The following ESRRG variants were observed in gnomAD, a reference collection of about 807,000 sequenced individuals.
ESRRG encodes estrogen-related receptor gamma.
Under a neutral mutation model 44.0 loss-of-function variants are expected in ESRRG, and 13 were observed. The observed-to-expected ratio is 0.30, with a 90% CI of 0.19 to 0.47. The LOEUF (loss-of-function observed/expected upper bound fraction) is 0.47. Ranked by LOEUF, ESRRG falls within the 20% of genes least tolerant of loss-of-function variation. The pLI is 1.00. For synonymous variants in ESRRG, 215 were observed against 214.6 expected, an observed-to-expected ratio of 1.00 and a Z score of -0.02; for missense variants, 395 against 580.6, an observed-to-expected ratio of 0.68 and a Z score of 3.29.
chr1:216,516,668 C>CACACACACACACAGAG lies in ESRRG; in HGVS notation c.1132+2483_1132+2484insCTCTGTGTGTGTGTGT, dbSNP rs376701865. 4.4e-3 allele frequency among the ~76,000 whole-genome samples: 602 copies of CACACACACACACAGAG among 137,192 alleles called. 6 individuals carry two copies. Among genetic ancestry groups the CACACACACACACAGAG allele is most frequent in the African/African-American group, 0.016 (549 of 34,020 alleles). The allele number at this position is 137,192 out of a possible 152,430, so 90.0% of individuals were successfully genotyped here. Reference sequence around the variant, plus strand: ...ACACACACACACACACACACACACACAGAGAGAGAGAGAGAAACGACAAAA... The same window carrying CACACACACACACAGAG: ...ACACACACACACACACACACACACACACACACACACACAGAGAGAGAGAGAGAGAGAAACGACAAAA... On this transcript the variant is annotated intron_variant, in intron 6 of 6. Coordinates refer to ENST00000408911, the MANE Select transcript of ESRRG (RefSeq NM_001438.4).
chr1:216,621,025 CA>C, intron 3 of ESRRG, among the ~76,000 whole-genome samples: 1 of 152,242 alleles, frequency 6.6e-6, no homozygotes, highest in East Asian at 1.9e-4. Context: ...TGAAGATTCC[CA>C]TCCCATTTTG....
chr1:217,102,351 G>A (rs1304336475), intron 1 of ESRRG, among the ~76,000 whole-genome samples: 1 of 152,112 alleles, frequency 6.6e-6, no homozygotes, highest in Non-Finnish European at 1.5e-5. Flanking sequence ...ATACAGCATT[G>A]CTGCTATTAT....
At chr1:216,579,892 T>C (rs2062410721) in intron 3 of ESRRG, among the ~76,000 whole-genome samples, 1 of 152,194 alleles carries the variant, frequency 6.6e-6, no homozygotes, top group Non-Finnish European at 1.5e-5. Flanking sequence ...TTAAATTTCT[T>C]AGTCTTTTCT....
chr1:217,080,330 C>G (rs2091642822), intron 1 of ESRRG, among the ~76,000 whole-genome samples: 1 of 152,006 alleles, frequency 6.6e-6, no homozygotes, highest in African/African-American at 2.4e-5. Context: ...TTTTACTACC[C>G]AAAATCGTCC....
intron 1 of ESRRG, among the ~76,000 whole-genome samples, chr1:216,679,701 T>G (rs1037227741): frequency 2.0e-5 from 3 of 151,590 alleles, no homozygotes; most frequent in Non-Finnish European, 4.4e-5. Context: ...CTTTTTAAAT[T>G]TTTTTTCCCT....
chr1:216,504,030 T>A lies in ESRRG; in HGVS notation c.*2909A>T, dbSNP rs1365464145. 1 of 152,530 alleles carries A rather than the reference T, an allele frequency of 6.6e-6. No homozygotes were observed. Among genetic ancestry groups the A allele is most frequent in the Non-Finnish European group, 1.5e-5 (1 of 67,986 alleles). The allele number at this position is 152,530 out of a possible 1,614,324, so 9.4% of individuals were successfully genotyped here. On this transcript the variant is annotated 3_prime_UTR_variant, in exon 7 of 7. Coordinates refer to ENST00000408911, the MANE Select transcript of ESRRG (RefSeq NM_001438.4). The stretch of plus-strand genomic sequence containing the variant: ...ATCCACGTTTTAGTTTTATTTCCTA[T>A]TTGTGAGATACTTACTCTTTTGTAA...
intron 2 of ESRRG, among the ~76,000 whole-genome samples, chr1:216,742,636 ATGAC>A (rs1222181064): frequency 6.6e-6 from 1 of 152,010 alleles, no homozygotes. Flanking sequence ...AGCTAAATGA[ATGAC>A]TGATTTCTTA....
chr1:217,131,119 A>G lies in ESRRG; in HGVS notation c.-230+6548T>C, dbSNP rs573842874. ...GAACATAATTCTGAAGAAGTATGCTAAAGTTAAATGAAAAGTTCTGAAAAT... is the reference window on the plus strand; with the variant it reads ...GAACATAATTCTGAAGAAGTATGCTGAAGTTAAATGAAAAGTTCTGAAAAT... On this transcript the variant is annotated intron_variant, in intron 1 of 8. Coordinates refer to the ESRRG transcript ENST00000366940. Among the ~76,000 whole-genome samples, 10 of 152,334 alleles carry G rather than the reference A, an allele frequency of 6.6e-5. No individual in the cohort carries two copies. In the East Asian group the frequency reaches 1.3e-3, roughly 21 times the overall value.
At chr1:216,798,818 C>T (rs1189405514) in intron 2 of ESRRG, among the ~76,000 whole-genome samples, 2 of 152,154 alleles carry the variant, frequency 1.3e-5, no homozygotes, top group African/African-American at 4.8e-5. Flanking sequence ...GATAATAATA[C>T]ACCTACCTAT....
intron 2 of ESRRG, among the ~76,000 whole-genome samples, chr1:216,797,904 G>A (rs1257287619): frequency 6.6e-6 from 1 of 152,082 alleles, no homozygotes; most frequent in Non-Finnish European, 1.5e-5. Context: ...GGGGAGTCAT[G>A]TTCCACCTCC....
At chr1:217,092,609 G>A (rs1340853998), upstream of ESRRG, among the ~76,000 whole-genome samples, 1 of 152,092 alleles carries the variant, frequency 6.6e-6, no homozygotes, top group Non-Finnish European at 1.5e-5. Flanking sequence ...CAGTCAGGCT[G>A]GTCACCCACT....
At chr1:216,601,566 A>G (rs1200845295) in intron 3 of ESRRG, among the ~76,000 whole-genome samples, 1 of 152,202 alleles carries the variant, frequency 6.6e-6, no homozygotes, top group Non-Finnish European at 1.5e-5. Context: ...GCCCTTAATC[A>G]GGGCAGAAAT....
intron 1 of ESRRG, among the ~76,000 whole-genome samples, chr1:217,132,347 C>A (rs936427119): frequency 1.2e-4 from 19 of 152,204 alleles, no homozygotes; most frequent in African/African-American, 4.3e-4. Context: ...GGGAGAGGAA[C>A]AACTGGGATT....
At chr1:216,644,427 C>CTTTTTT (rs71161439) in intron 3 of ESRRG, among the ~76,000 whole-genome samples, 108 of 128,390 alleles carry the variant, frequency 8.4e-4, no homozygotes, top group Non-Finnish European at 1.4e-3. Context: ...TTCTTTCTTT[C>CTTTTTT]TTTTTTTTTT....
At position 216,524,391 on chromosome 1, in the gene ESRRG, A is replaced by G. The variant is rs140971594; in HGVS notation, c.863-4970T>C. ...TGCAGAAGTGAAAGCTGGAACATCT[A>G]CATGGTGCTATCAGAAGCATTTTAT... On this transcript the variant is annotated intron_variant, in intron 5 of 6. Transcript: ENST00000408911. Among the ~76,000 whole-genome samples, 45 of 151,488 alleles carry G rather than the reference A, an allele frequency of 3.0e-4. 1 individual carries two copies. The East Asian group carries it at 8.5e-3, about 29-fold the overall frequency.
At chr1:217,029,960 C>T (rs1452282271) in intron 1 of ESRRG, among the ~76,000 whole-genome samples, 1 of 152,144 alleles carries the variant, frequency 6.6e-6, no homozygotes, top group African/African-American at 2.4e-5. Context: ...TTAGCCCTCC[C>T]TTTAGCACAG....
At chr1:216,956,027 T>C (rs1435855743) in intron 1 of ESRRG, among the ~76,000 whole-genome samples, 1 of 152,194 alleles carries the variant, frequency 6.6e-6, no homozygotes, top group African/African-American at 2.4e-5. Context: ...ATAAATTGTT[T>C]CCTTTGCTGT....
At chr1:216,565,357 G>A (rs920009449) in intron 4 of ESRRG, among the ~76,000 whole-genome samples, 2 of 152,000 alleles carry the variant, frequency 1.3e-5, no homozygotes, top group African/African-American at 2.4e-5. Context: ...AGATACAAAC[G>A]GGTGAGAATA....
At chr1:217,062,205 C>G (rs1180061430) in intron 1 of ESRRG, among the ~76,000 whole-genome samples, 1 of 152,114 alleles carries the variant, frequency 6.6e-6, no homozygotes, top group African/African-American at 2.4e-5. Context: ...TTTGGAATGT[C>G]ACGCAGGATG....
Sources: gnomAD v4.1 joint callset for allele counts (sites outside exome capture counted in the v4.1 genomes callset) on GRCh38, gnomAD v4.1.1 for gene constraint, MANE v1.5 for transcripts, NCBI Gene and HGNC (gene_info 2026-07-23, HGNC 2026-07-21) for gene names.